DOK5: variants seen among roughly 807,000 people sequenced by gnomAD.
DOK5 encodes docking protein 5.
A neutral mutation model predicts 43.3 loss-of-function variants in DOK5; 27 were observed. The observed-to-expected ratio is 0.62, with a 90% CI of 0.46 to 0.86. DOK5 has a LOEUF of 0.86. DOK5 is among the 40% of genes least tolerant of loss of function. The probability of loss-of-function intolerance (pLI) is 0.00; values close to 1 mark genes in which losing one functional copy is unlikely to be tolerated. For synonymous variants in DOK5, 146 were observed against 140.1 expected, an observed-to-expected ratio of 1.04 and a Z score of -0.30; for missense variants, 373 against 392.9, an observed-to-expected ratio of 0.95 and a Z score of 0.43.
chr20:54,641,500 TAAA>T (rs1321488507), intron 6 of DOK5, among the ~76,000 whole-genome samples: 20 of 148,350 alleles, frequency 1.3e-4, no homozygotes, highest in Non-Finnish European at 1.9e-4. Flanking sequence ...TGGAAATTTT[TAAA>T]AAAAAAATCC....
intron 6 of DOK5, among the ~76,000 whole-genome samples, 195 bp downstream of exon 6, chr20:54,610,718 C>A (rs961687052): frequency 2.0e-5 from 3 of 152,202 alleles, no homozygotes; most frequent in Non-Finnish European, 4.4e-5. Context: ...GGCCATACAT[C>A]CCCATTATCT....
intron 5 of DOK5, among the ~76,000 whole-genome samples, chr20:54,608,667 CTTTT>C (rs11353769): frequency 7.4e-6 from 1 of 134,306 alleles, no homozygotes; most frequent in African/African-American, 3.0e-5. Context: ...TCTTCTTCTT[CTTTT>C]TTTTTTTTTT....
chr20:54,542,909 G>A (rs776091504), intron 1 of DOK5, among the ~76,000 whole-genome samples: 11 of 152,226 alleles, frequency 7.2e-5, no homozygotes, highest in Non-Finnish European at 1.0e-4. Flanking sequence ...GGATTGCAAT[G>A]TAGCAAGAAT....
At chr20:54,610,602 A>G (rs1042838689) in intron 6 of DOK5, 79 bp downstream of exon 6, 6 of 1,320,952 alleles carry the variant, frequency 4.5e-6, no homozygotes, top group Non-Finnish European at 3.9e-6. Context: ...GCTGGAAAAT[A>G]TGGTCAGCAT....
At chr20:54,648,153 C>T (rs1221245222) in intron 7 of DOK5, among the ~76,000 whole-genome samples, 1 of 152,136 alleles carries the variant, frequency 6.6e-6, no homozygotes, top group African/African-American at 2.4e-5. Flanking sequence ...TAGTAAGTAA[C>T]AAAGATTTTA....
At chr20:54,514,404 T>C (rs1983123231) in intron 1 of DOK5, among the ~76,000 whole-genome samples, 1 of 152,124 alleles carries the variant, frequency 6.6e-6, no homozygotes, top group Admixed American at 6.5e-5. Context: ...TTCCAAGAAT[T>C]CCAGAAATGG....
intron 2 of DOK5, among the ~76,000 whole-genome samples, chr20:54,586,038 C>T (rs527475595): frequency 5.3e-5 from 8 of 152,248 alleles, no homozygotes; most frequent in East Asian, 1.9e-4. Context: ...GCAGGAGAAT[C>T]GCTTGAACCT....
At chr20:54,595,286 G>A (rs1986106577) in intron 5 of DOK5, among the ~76,000 whole-genome samples, 1 of 152,094 alleles carries the variant, frequency 6.6e-6, no homozygotes, top group Admixed American at 6.5e-5. Flanking sequence ...CTTGCAGTGA[G>A]CTGAGATCCT....
chr20:54,620,617 T>C (rs916373437), intron 6 of DOK5, among the ~76,000 whole-genome samples: 2 of 152,340 alleles, frequency 1.3e-5, no homozygotes, highest in Non-Finnish European at 1.5e-5. Flanking sequence ...TGTAATTCTG[T>C]GGGTTCAATT....
At chr20:54,538,081 C>G (rs1984018880) in intron 1 of DOK5, among the ~76,000 whole-genome samples, 1 of 151,964 alleles carries the variant, frequency 6.6e-6, no homozygotes, top group Admixed American at 6.6e-5. Context: ...TCATCCTCCT[C>G]CCGACTCGGC....
intron 6 of DOK5, among the ~76,000 whole-genome samples, chr20:54,641,166 T>A (rs1462839282): frequency 6.6e-6 from 1 of 152,212 alleles, no homozygotes; most frequent in African/African-American, 2.4e-5. Flanking sequence ...GACCTTTTCA[T>A]CTAAAAGTTT....
At position 54,583,017 on chromosome 20, in the gene DOK5, T is replaced by G. The variant is rs1307781830; in HGVS notation, c.175-5466T>G. Among the ~76,000 whole-genome samples, 12 of 152,204 alleles carry G rather than the reference T, an allele frequency of 7.9e-5. No individual in the cohort carries two copies. The East Asian group carries it at 2.3e-3, about 29-fold the overall frequency. On this transcript the variant is annotated intron_variant, in intron 2 of 7. Coordinates refer to ENST00000262593, the MANE Select transcript of DOK5 (RefSeq NM_018431.5). The stretch of plus-strand genomic sequence containing the variant: ...GTAGGAATTTACCATTATAATCTTC[T>G]TTTTTAGTATTGCTTTTGCTACCTC...
intron 5 of DOK5, 60 bp from the exon 6 acceptor site, chr20:54,610,328 T>A: frequency 7.0e-7 from 1 of 1,424,988 alleles, no homozygotes; most frequent in Non-Finnish European, 9.2e-7. Flanking sequence ...GCCAGGATCT[T>A]GGTGCATTGA....
intron 6 of DOK5, among the ~76,000 whole-genome samples, chr20:54,614,812 A>G (rs1199711132): frequency 6.6e-6 from 1 of 152,210 alleles, no homozygotes; most frequent in Non-Finnish European, 1.5e-5. Flanking sequence ...GATTGTGAAA[A>G]GCTTAAAATC....
At chr20:54,603,049 A>T (rs1404776538) in intron 5 of DOK5, among the ~76,000 whole-genome samples, 2 of 152,238 alleles carry the variant, frequency 1.3e-5, no homozygotes, top group African/African-American at 4.8e-5. Flanking sequence ...ATTCTAACTT[A>T]CAAAAATATA....
intron 1 of DOK5, among the ~76,000 whole-genome samples, chr20:54,536,795 C>G (rs1983976724): frequency 6.6e-6 from 1 of 152,204 alleles, no homozygotes; most frequent in South Asian, 2.1e-4. Context: ...CTTCCACCCT[C>G]ATGAGACTGT....
chr20:54,577,879 T>C (rs1273927628), intron 2 of DOK5, among the ~76,000 whole-genome samples: 1 of 152,158 alleles, frequency 6.6e-6, no homozygotes, highest in Non-Finnish European at 1.5e-5. Flanking sequence ...ACTCACACTG[T>C]ATTGGCCAAA....
intron 5 of DOK5, among the ~76,000 whole-genome samples, chr20:54,597,307 G>A (rs1986171286): frequency 6.6e-6 from 1 of 152,126 alleles, no homozygotes; most frequent in Admixed American, 6.5e-5. Flanking sequence ...TCACAACCTG[G>A]GCAGGGGGTG....
chr20:54,599,811 A>G (rs576169799), intron 5 of DOK5, among the ~76,000 whole-genome samples: 15 of 152,334 alleles, frequency 9.8e-5, no homozygotes, highest in African/African-American at 3.4e-4. Context: ...CCTTTATGCA[A>G]TATTCACCTA....
Sources: gnomAD v4.1 joint callset for allele counts (sites outside exome capture counted in the v4.1 genomes callset) on GRCh38, gnomAD v4.1.1 for gene constraint, MANE v1.5 for transcripts, NCBI Gene and HGNC (gene_info 2026-07-23, HGNC 2026-07-21) for gene names.